The following ZC3H12B variants were observed in gnomAD, a reference collection of about 807,000 sequenced individuals.
The protein encoded by ZC3H12B is probable ribonuclease ZC3H12B.
A neutral mutation model predicts 43.9 loss-of-function variants in ZC3H12B; 7 were observed. The ratio of observed to expected loss-of-function variants is 0.16; its 90% CI spans 0.09 to 0.30. ZC3H12B has a LOEUF of 0.30. Ranked by LOEUF, ZC3H12B falls within the 10% of genes least tolerant of loss-of-function variation. ZC3H12B has a pLI of 1.00. For synonymous variants in ZC3H12B, 222 were observed against 241.7 expected, an observed-to-expected ratio of 0.92 and a Z score of 0.76; for missense variants, 475 against 670.2, an observed-to-expected ratio of 0.71 and a Z score of 3.22.
At chrX:65,477,559 G>A (rs2068010428) in intron 3 of ZC3H12B, among the ~76,000 whole-genome samples, 1 of 111,508 alleles carries the variant, frequency 9.0e-6, no homozygotes, top group Non-Finnish European at 1.9e-5. Context: ...AGCACTTTGG[G>A]AGGCCAAGGT....
the ZC3H12B span, among the ~76,000 whole-genome samples, chrX:65,309,860 A>G: frequency 8.9e-6 from 1 of 112,252 alleles, no homozygotes; most frequent in African/African-American, 3.2e-5. Flanking sequence ...CAAATCAATA[A>G]ACATAATCCA....
the ZC3H12B span, among the ~76,000 whole-genome samples, chrX:65,101,969 G>A: frequency 4.5e-5 from 5 of 111,962 alleles, no homozygotes; most frequent in South Asian, 7.4e-4. Flanking sequence ...GATGAACATC[G>A]AGGCAAATAT....
the ZC3H12B span, among the ~76,000 whole-genome samples, chrX:65,058,879 C>T: frequency 1.8e-5 from 2 of 112,177 alleles, no homozygotes; most frequent in African/African-American, 3.2e-5. Flanking sequence ...CCGAGCCAGG[C>T]GCGGGATATA....
At chrX:65,285,103 G>A in the ZC3H12B span, among the ~76,000 whole-genome samples, 1 of 105,927 alleles carries the variant, frequency 9.4e-6, no homozygotes, top group African/African-American at 3.8e-5. Context: ...AGTCTAGCAA[G>A]AGAATAATTA....
At chrX:65,313,246 T>C in the ZC3H12B span, among the ~76,000 whole-genome samples, 5 of 112,367 alleles carry the variant, frequency 4.4e-5, no homozygotes, top group African/African-American at 1.3e-4. Flanking sequence ...TAATTATTTT[T>C]CTGTATTTTC....
the ZC3H12B span, among the ~76,000 whole-genome samples, chrX:65,130,529 AG>A: frequency 0.14 from 15,619 of 109,964 alleles, 1,113 homozygotes; most frequent in Non-Finnish European, 0.22. Flanking sequence ...TAGGGAAGGG[AG>A]GGGGCCTGAA....
intron 3 of ZC3H12B, among the ~76,000 whole-genome samples, chrX:65,411,290 C>G (rs1432943068): frequency 1.8e-5 from 2 of 111,925 alleles, no homozygotes; most frequent in Non-Finnish European, 3.8e-5. Context: ...TAGAAGGATG[C>G]TTACCAGAGG....
intron 3 of ZC3H12B, chrX:65,408,165 G>A: frequency 7.5e-6 from 9 of 1,200,834 alleles, no homozygotes; most frequent in Non-Finnish European, 1.0e-5. Flanking sequence ...TCCCTGGACC[G>A]GATTAAAGAG....
intron 3 of ZC3H12B, among the ~76,000 whole-genome samples, chrX:65,421,167 G>T (rs1254453435): frequency 8.9e-6 from 1 of 112,343 alleles, no homozygotes; most frequent in Admixed American, 9.4e-5. Context: ...TAGACTTATT[G>T]GTAAGACATT....
chrX:65,129,237 A>G, the ZC3H12B span, among the ~76,000 whole-genome samples: 1 of 102,890 alleles, frequency 9.7e-6, no homozygotes, highest in African/African-American at 3.9e-5. Context: ...GCTCTATTAT[A>G]TATGTATGTG....
chrX:65,122,719 G>A, the ZC3H12B span, among the ~76,000 whole-genome samples: 1 of 111,114 alleles, frequency 9.0e-6, no homozygotes, highest in Non-Finnish European at 1.9e-5. Flanking sequence ...AACAAAAAAA[G>A]GCAGGGGTTG....
Position 65,392,139 on chromosome X carries a change from C to T in ZC3H12B, n.296-6454C>T, listed in dbSNP as rs182763058. ...ACAACCCCCACCTCCCAGCCGCCTG[C>T]CTTGGCCTCCCAAAGTCCTGAGATT... On this transcript the variant is annotated intron_variant and non_coding_transcript_variant, in intron 2 of 5. Transcript: ENST00000617377. Among the ~76,000 whole-genome samples the T allele has an allele frequency of 2.8e-3, 308 of 111,729 alleles. 3 individuals carry two copies. Among genetic ancestry groups the T allele is most frequent in the African/African-American group, 9.5e-3 (293 of 30,788 alleles).
At chrX:65,155,443 T>G in the ZC3H12B span, among the ~76,000 whole-genome samples, 5 of 112,069 alleles carry the variant, frequency 4.5e-5, no homozygotes, top group South Asian at 3.7e-4. Context: ...TGATCTTTTC[T>G]TTTGTCATAT....
intron 3 of ZC3H12B, among the ~76,000 whole-genome samples, chrX:65,436,625 T>G (rs983402035): frequency 4.5e-5 from 5 of 111,968 alleles, no homozygotes; most frequent in African/African-American, 1.6e-4. Flanking sequence ...CTCATATACG[T>G]GATAAGCGAT....
chrX:65,203,044 G>A, the ZC3H12B span, among the ~76,000 whole-genome samples: 1 of 111,454 alleles, frequency 9.0e-6, no homozygotes, highest in African/African-American at 3.3e-5. Flanking sequence ...GACAAGTTCT[G>A]TCTGGCTACT....
chrX:65,099,218 G>C, the ZC3H12B span, among the ~76,000 whole-genome samples: 1 of 111,839 alleles, frequency 8.9e-6, no homozygotes, highest in Non-Finnish European at 1.9e-5. Context: ...TCAGTCAGGG[G>C]CTTATAAATA....
At chrX:65,359,834 G>A in the ZC3H12B span, among the ~76,000 whole-genome samples, 3 of 112,145 alleles carry the variant, frequency 2.7e-5, no homozygotes, top group East Asian at 8.3e-4. Context: ...TTTGAAAGAA[G>A]TACTGCTGTG....
At chrX:65,127,373 G>A in the ZC3H12B span, among the ~76,000 whole-genome samples, 1 of 112,381 alleles carries the variant, frequency 8.9e-6, no homozygotes, top group South Asian at 3.7e-4. Flanking sequence ...TCTTGCAGCT[G>A]TGGATACCAG....
the ZC3H12B span, among the ~76,000 whole-genome samples, chrX:65,115,782 G>A: frequency 9.0e-6 from 1 of 111,353 alleles, no homozygotes; most frequent in Non-Finnish European, 1.9e-5. Context: ...TTGTGATTTC[G>A]ATTTGCATCT....
Sources: gnomAD v4.1 joint callset for allele counts (sites outside exome capture counted in the v4.1 genomes callset) on GRCh38, gnomAD v4.1.1 for gene constraint, MANE v1.5 for transcripts, NCBI Gene and HGNC (gene_info 2026-07-23, HGNC 2026-07-21) for gene names.